ZSWIM6: variants seen among roughly 807,000 people sequenced by gnomAD.
ZSWIM6 encodes zinc finger SWIM-type containing 6.
A neutral mutation model predicts 113.2 loss-of-function variants in ZSWIM6; 9 were observed. The ratio of observed to expected loss-of-function variants is 0.08; its 90% CI spans 0.05 to 0.14. ZSWIM6 has a LOEUF of 0.14. Ranked by LOEUF, ZSWIM6 falls within the 10% of genes least tolerant of loss-of-function variation. The probability of loss-of-function intolerance (pLI) is 1.00; values close to 1 mark genes in which losing one functional copy is unlikely to be tolerated. For missense variants in ZSWIM6, 1,162 were observed against 1,552.2 expected, an observed-to-expected ratio of 0.75 and a Z score of 4.22; for synonymous variants, 611 against 606.5, an observed-to-expected ratio of 1.01 and a Z score of -0.11.
chr5:61,502,654 A>G (rs1748504523), intron 4 of ZSWIM6, among the ~76,000 whole-genome samples: 1 of 152,234 alleles, frequency 6.6e-6, no homozygotes, highest in South Asian at 2.1e-4. Context: ...ACTGTGGACC[A>G]GTATCAGTCC....
In ZSWIM6 at chr5:61,538,794, T is replaced by G; in HGVS notation, c.2382-20T>G. 1 of 1,541,440 alleles carries G rather than the reference T, an allele frequency of 6.5e-7. No individual in the cohort carries two copies. The highest frequency in any genetic ancestry group is 8.8e-7 in the Non-Finnish European group (1 of 1,141,212). On this transcript the variant is annotated intron_variant, in intron 10 of 13. Transcript: ENST00000252744. ...GTCAAGAAATAACTAGGGGCCACCT[T>G]CCTTGTCTTCTCATTATAGGTTACT...
At chr5:61,415,297 G>T (rs1053257081) in intron 1 of ZSWIM6, among the ~76,000 whole-genome samples, 1 of 152,118 alleles carries the variant, frequency 6.6e-6, no homozygotes, top group Non-Finnish European at 1.5e-5. Flanking sequence ...GAATATTTAG[G>T]ATAAAAACCC....
chr5:61,543,795 C>T lies in ZSWIM6; in HGVS notation c.3126C>T (p.Tyr1042=). ...CACGGTACATGGAGCACCGCGGGTA[C>T]CCCATGAGGGCCTACAAGCTGGCCA... ...TIARYMEHRG[Y]PMRAYKLATL... is the part of the protein sequence containing the mutation. Residue 1042 remains tyrosine, a synonymous_variant, in exon 14 of 14, where the codon TAC becomes TAT. Transcript: ENST00000252744. This position sits in a 1 kb window ranked among gnomAD's most constrained non-coding sequence, Gnocchi z 4.3. 4 of 1,551,918 alleles carry T rather than the reference C, an allele frequency of 2.6e-6. No homozygotes were observed. Among genetic ancestry groups the T allele is most frequent in the Non-Finnish European group, 3.5e-6 (4 of 1,147,050 alleles).
In ZSWIM6 at chr5:61,510,250, A is replaced by G. The variant is rs568116552; in HGVS notation, c.1334-11013A>G. On this transcript the variant is annotated intron_variant, in intron 4 of 13. Coordinates refer to ENST00000252744, the MANE Select transcript of ZSWIM6 (RefSeq NM_020928.2). Reference sequence around the variant, plus strand: ...TGGTGGTGATAATTTGTACATCTGAATGTTTGGTGGAAAAGATTGGCTTTC... The same window carrying G: ...TGGTGGTGATAATTTGTACATCTGAGTGTTTGGTGGAAAAGATTGGCTTTC... Among the ~76,000 whole-genome samples, 34 of 152,032 alleles carry G rather than the reference A, an allele frequency of 2.2e-4. 1 individual carries two copies. The South Asian group carries it at 6.9e-3, about 31-fold the overall frequency.
At chr5:61,425,043 T>C (rs1041818941) in intron 1 of ZSWIM6, among the ~76,000 whole-genome samples, 5 of 152,186 alleles carry the variant, frequency 3.3e-5, no homozygotes, top group Admixed American at 2.6e-4. Flanking sequence ...ATGTGTAAAC[T>C]TTAGCAAGTT....
chr5:61,480,181 T>C (rs1747817192), intron 2 of ZSWIM6, among the ~76,000 whole-genome samples: 1 of 152,204 alleles, frequency 6.6e-6, no homozygotes, highest in African/African-American at 2.4e-5. Flanking sequence ...ACAAATACTT[T>C]ATTGCTTTTT....
At chr5:61,462,957 A>G (rs2112170440) in intron 1 of ZSWIM6, among the ~76,000 whole-genome samples, 1 of 152,308 alleles carries the variant, frequency 6.6e-6, no homozygotes, top group Admixed American at 6.5e-5. Context: ...ACTTTCTCAT[A>G]TAAGGTGTAC....
chr5:61,391,739 C>G (rs1350265581), intron 1 of ZSWIM6: 2 of 1,142,518 alleles, frequency 1.8e-6, no homozygotes, highest in East Asian at 2.3e-5. Context: ...CCCAGGAAGG[C>G]TGTGAGGTGG....
At chr5:61,477,981 C>T (rs954247376) in intron 2 of ZSWIM6, among the ~76,000 whole-genome samples, 1 of 152,142 alleles carries the variant, frequency 6.6e-6, no homozygotes, top group African/African-American at 2.4e-5. Flanking sequence ...TGATGGAGGA[C>T]TCATGTCACA....
chr5:61,501,612 C>T (rs574588848), intron 4 of ZSWIM6, among the ~76,000 whole-genome samples: 7 of 152,294 alleles, frequency 4.6e-5, no homozygotes, highest in African/African-American at 1.2e-4. Flanking sequence ...TGGAGATTCA[C>T]CTCCTTGTGT....
chr5:61,356,079 C>G (rs893183255), intron 1 of ZSWIM6, among the ~76,000 whole-genome samples: 2 of 152,094 alleles, frequency 1.3e-5, no homozygotes, highest in Non-Finnish European at 2.9e-5. Context: ...ACCTTAGTTT[C>G]AAAACACTGT....
intron 1 of ZSWIM6, chr5:61,390,576 A>G (rs1745686234): frequency 8.8e-6 from 5 of 567,682 alleles, no homozygotes; most frequent in South Asian, 6.9e-5. Context: ...GTGAATGAGC[A>G]TTGTCAGAAT....
At chr5:61,401,257 A>G (rs1394808141) in intron 1 of ZSWIM6, among the ~76,000 whole-genome samples, 1 of 152,116 alleles carries the variant, frequency 6.6e-6, no homozygotes, top group Non-Finnish European at 1.5e-5. Context: ...GGAGCAACAG[A>G]CGGAAGAAAT....
intron 1 of ZSWIM6, among the ~76,000 whole-genome samples, chr5:61,350,553 AT>A (rs369962036): frequency 7.2e-5 from 11 of 151,918 alleles, no homozygotes; most frequent in African/African-American, 2.4e-4. Context: ...ACCACCCCTG[AT>A]TTTTTTTCTC....
At chr5:61,513,112 A>G (rs186961265) in intron 4 of ZSWIM6, among the ~76,000 whole-genome samples, 182 of 152,220 alleles carry the variant, frequency 1.2e-3, no homozygotes, top group African/African-American at 4.0e-3. Flanking sequence ...AAAATTCTCT[A>G]TGCTGTTCCT....
At chr5:61,489,388 A>G (rs1050753660) in intron 2 of ZSWIM6, among the ~76,000 whole-genome samples, 2 of 152,008 alleles carry the variant, frequency 1.3e-5, no homozygotes, top group Admixed American at 1.3e-4. Flanking sequence ...TATGATTATT[A>G]GATTGATATT....
chr5:61,501,980 C>T (rs978282638), intron 4 of ZSWIM6, among the ~76,000 whole-genome samples: 3 of 152,152 alleles, frequency 2.0e-5, no homozygotes, highest in African/African-American at 7.2e-5. Flanking sequence ...AATGGGAATT[C>T]TGGCTAGGGA....
At chr5:61,384,083 T>C (rs576462953) in intron 1 of ZSWIM6, among the ~76,000 whole-genome samples, 1 of 146,830 alleles carries the variant, frequency 6.8e-6, no homozygotes, top group South Asian at 2.2e-4. Context: ...CTACTAAAAA[T>C]ACAAAAAATT....
intron 1 of ZSWIM6, among the ~76,000 whole-genome samples, chr5:61,364,654 G>C (rs887215153): frequency 3.3e-5 from 5 of 152,178 alleles, no homozygotes; most frequent in African/African-American, 1.2e-4. Flanking sequence ...GGAAACCCAA[G>C]ATCAAGGTGC....
Sources: gnomAD v4.1 joint callset for allele counts (sites outside exome capture counted in the v4.1 genomes callset) on GRCh38, gnomAD v4.1.1 for gene constraint, Gnocchi (gnomAD v3.1) non-coding constraint, MANE v1.5 for transcripts, NCBI Gene and HGNC (gene_info 2026-07-23, HGNC 2026-07-21) for gene names.